The following UBR3 variants were observed in gnomAD, a reference collection of about 807,000 sequenced individuals.
The protein encoded by UBR3 is ubiquitin protein ligase E3 component n-recognin 3.
Under a neutral mutation model 243.2 loss-of-function variants are expected in UBR3, and 85 were observed. That is an observed-to-expected ratio of 0.35 (90% CI 0.29 to 0.42). The LOEUF is 0.42. Ranked by LOEUF, UBR3 falls within the 10% of genes least tolerant of loss-of-function variation. UBR3 has a pLI of 1.00. For missense variants in UBR3, 1,686 were observed against 2,300.8 expected (o/e 0.73, Z 5.47); for synonymous variants, 748 against 799.8 (o/e 0.94, Z 1.09).
At chr2:169,831,790 AATGTTTG>A (rs1329694428) in intron 1 of UBR3, among the ~76,000 whole-genome samples, 1 of 152,148 alleles carries the variant, frequency 6.6e-6, no homozygotes, top group Non-Finnish European at 1.5e-5. Flanking sequence ...GCATGAACAG[AATGTTTG>A]AACTTTTCTA....
At chr2:169,896,780 T>C (rs1452873657) in intron 8 of UBR3, 45 bp downstream of exon 8, 9 of 1,360,524 alleles carry the variant, frequency 6.6e-6, no homozygotes, top group South Asian at 4.3e-5. Flanking sequence ...ATCAGTATTA[T>C]TATTCTAGTA....
intron 24 of UBR3, among the ~76,000 whole-genome samples, chr2:169,974,474 T>C (rs1424888403): frequency 6.6e-6 from 1 of 152,198 alleles, no homozygotes; most frequent in East Asian, 1.9e-4. Flanking sequence ...TAATAGTCTC[T>C]AATGACCCTT....
At chr2:170,077,508 A>G in intron 36 of UBR3, 1 of 1,092,760 alleles carries the variant, frequency 9.2e-7, no homozygotes, top group East Asian at 2.5e-5. Context: ...TTCCATAGAT[A>G]AGTAGTTTTC....
chr2:169,908,688 T>C (rs375667760), intron 10 of UBR3, among the ~76,000 whole-genome samples: 2 of 152,166 alleles, frequency 1.3e-5, no homozygotes, highest in African/African-American at 4.8e-5. Context: ...GACTGAAGAT[T>C]TGAGTATCAG....
intron 8 of UBR3, 61 bp from the exon 9 acceptor site, chr2:169,905,053 A>G: frequency 7.4e-7 from 1 of 1,351,238 alleles, no homozygotes; most frequent in Non-Finnish European, 9.7e-7. Context: ...ATTCTGTATT[A>G]TTGGTTAAGC....
At chr2:169,867,343 A>C (rs998944407) in intron 1 of UBR3, among the ~76,000 whole-genome samples, 2 of 152,210 alleles carry the variant, frequency 1.3e-5, no homozygotes, top group African/African-American at 4.8e-5. Flanking sequence ...CTTAGATATA[A>C]TTATACTTCA....
chr2:169,998,839 G>A (rs895227277), intron 26 of UBR3, among the ~76,000 whole-genome samples: 1 of 152,160 alleles, frequency 6.6e-6, no homozygotes, highest in South Asian at 2.1e-4. Context: ...CCTGAGCTGT[G>A]GAGTCAGACA....
chr2:170,069,956 T>C (rs1313793651), intron 35 of UBR3, among the ~76,000 whole-genome samples: 1 of 152,142 alleles, frequency 6.6e-6, no homozygotes, highest in Non-Finnish European at 1.5e-5. Context: ...CTAATATAAA[T>C]GCTATACGAA....
At chr2:169,954,658 C>T (rs1445931797) in intron 23 of UBR3, among the ~76,000 whole-genome samples, 1 of 151,372 alleles carries the variant, frequency 6.6e-6, no homozygotes, top group African/African-American at 2.4e-5. Flanking sequence ...TCACTGCAAC[C>T]TCTGCCTCCT....
At chr2:170,000,886 C>T (rs2089670755) in intron 26 of UBR3, among the ~76,000 whole-genome samples, 1 of 152,000 alleles carries the variant, frequency 6.6e-6, no homozygotes, top group Admixed American at 6.6e-5. Flanking sequence ...AGGAACGAAA[C>T]CGAGAGAGTA....
intron 26 of UBR3, among the ~76,000 whole-genome samples, chr2:169,999,123 A>G (rs535433939): frequency 6.6e-6 from 1 of 152,360 alleles, no homozygotes; most frequent in African/African-American, 2.4e-5. Flanking sequence ...TTTAAAAGCT[A>G]GCCATTTTTA....
chr2:169,843,703 A>G (rs1316300903), intron 1 of UBR3, among the ~76,000 whole-genome samples: 3 of 152,198 alleles, frequency 2.0e-5, no homozygotes, highest in Non-Finnish European at 4.4e-5. Context: ...GTATTTTGAC[A>G]TGAGGATTTT....
intron 1 of UBR3, among the ~76,000 whole-genome samples, chr2:169,848,926 A>G (rs985394449): frequency 4.6e-5 from 7 of 152,194 alleles, no homozygotes; most frequent in African/African-American, 1.7e-4. Context: ...CTTTAATGGT[A>G]AACAACCTTT....
chr2:169,872,248 G>T lies in UBR3; in HGVS notation c.558G>T (p.Arg186Ser). 2 of 1,520,370 alleles carry T rather than the reference G, an allele frequency of 1.3e-6. No individual in the cohort carries two copies. The highest frequency in any genetic ancestry group is 1.3e-5 in the South Asian group (1 of 75,862). The allele number at this position is 1,520,370 out of a possible 1,614,324, so 94.2% of individuals were successfully genotyped here. ...TTTCATATTACAGGTTTTGCAAAAG[G>T]CATCAAATTAAATCAAGTTCAAATA... ...NVMRESGFCK[R>S]HQIKSSSNIP... The change falls in exon 2 of 39, where the codon AGG (arginine) becomes AGT (serine). Residue 186 changes from arginine to serine, a missense_variant. This residue lies in a region of UBR3 where 145 missense variants were observed against 243.8 expected (regional missense o/e 0.59). Transcript: ENST00000272793.
chr2:169,961,515 C>T (rs1249880910), intron 24 of UBR3, among the ~76,000 whole-genome samples: 1 of 152,086 alleles, frequency 6.6e-6, no homozygotes, highest in Non-Finnish European at 1.5e-5. Flanking sequence ...GGTAGCTAAA[C>T]CGTCTGATTC....
intron 24 of UBR3, among the ~76,000 whole-genome samples, chr2:169,980,416 G>A (rs942047193): frequency 6.6e-6 from 1 of 152,160 alleles, no homozygotes; most frequent in Non-Finnish European, 1.5e-5. Context: ...GGGCCTAGAA[G>A]CAAGGACATC....
chr2:169,907,731 C>T (rs1427208433), intron 10 of UBR3, among the ~76,000 whole-genome samples: 1 of 151,626 alleles, frequency 6.6e-6, no homozygotes, highest in Non-Finnish European at 1.5e-5. Context: ...CCACAAGTTG[C>T]CCTCAACTTG....
chr2:169,927,240 T>TTA, intron 16 of UBR3, 80 bp from the exon 17 acceptor site: 1 of 1,271,966 alleles, frequency 7.9e-7, no homozygotes, highest in Non-Finnish European at 1.1e-6. Context: ...GTAAAACAGC[T>TTA]TAGTAAAAAG....
chr2:169,839,619 T>C (rs376781988), intron 1 of UBR3, among the ~76,000 whole-genome samples: 7 of 152,222 alleles, frequency 4.6e-5, no homozygotes, highest in African/African-American at 1.7e-4. Context: ...TGTATTACAT[T>C]ATTACATGTA....
Sources: allele counts gnomAD v4.1 joint callset (sites outside exome capture counted in the v4.1 genomes callset), GRCh38; gene constraint gnomAD v4.1.1; regional missense constraint gnomAD v4.1.1; transcripts MANE v1.5; gene names NCBI Gene and HGNC (gene_info 2026-07-23, HGNC 2026-07-21).